Variants in LINGO2 observed in about 807,000 individuals in gnomAD.
The protein encoded by LINGO2 is leucine rich repeat and Ig domain containing 2, also known as leucine-rich repeat and immunoglobulin-like domain-containing nogo receptor-interacting protein 2.
In LINGO2, 14 loss-of-function variants were observed where a neutral mutation model predicts 30.6. The observed-to-expected ratio is 0.46, with a 90% CI of 0.30 to 0.72. The LOEUF (loss-of-function observed/expected upper bound fraction) is 0.72, where lower values mean the gene tolerates loss of function less well. LINGO2 is among the 30% of genes least tolerant of loss of function. LINGO2 has a pLI of 0.07. For synonymous variants in LINGO2, 317 were observed against 288.5 expected (o/e 1.10, Z -1.00); for missense variants, 729 against 751.7 (o/e 0.97, Z 0.35).
chr9:28,204,035 A>T (rs1820326813), intron 4 of LINGO2, among the ~76,000 whole-genome samples: 1 of 152,202 alleles, frequency 6.6e-6, no homozygotes, highest in African/African-American at 2.4e-5. Flanking sequence ...TGTGACACTG[A>T]ACGTTTTTAT....
the LINGO2 span, among the ~76,000 whole-genome samples, chr9:28,883,628 G>GTGTGTATGTGTA: frequency 1.4e-4 from 9 of 64,178 alleles, no homozygotes; most frequent in Admixed American, 2.0e-4. Context: ...ATGTGTGTGT[G>GTGTGTATGTGTA]TATATATATA....
chr9:28,651,449 G>A (rs1054337910), intron 1 of LINGO2, among the ~76,000 whole-genome samples: 1 of 152,098 alleles, frequency 6.6e-6, no homozygotes, highest in Non-Finnish European at 1.5e-5. Flanking sequence ...ATAGCTCTGA[G>A]AACCTCTCAT....
chr9:27,949,829 G>A (rs900609762), exon 6 of LINGO2: 44 of 1,614,130 alleles, frequency 2.7e-5, no homozygotes, highest in Non-Finnish European at 3.5e-5. Flanking sequence ...TGGGATTGTA[G>A]GAGAGGTTAA....
intron 1 of LINGO2, among the ~76,000 whole-genome samples, chr9:28,544,383 T>C (rs1821839858): frequency 1.3e-5 from 2 of 152,084 alleles, no homozygotes; most frequent in Non-Finnish European, 2.9e-5. Flanking sequence ...TCTCTTGACT[T>C]TCACTTAGTT....
At chr9:28,029,506 G>T (rs1823555544) in intron 4 of LINGO2, among the ~76,000 whole-genome samples, 1 of 152,178 alleles carries the variant, frequency 6.6e-6, no homozygotes, top group African/African-American at 2.4e-5. Flanking sequence ...TGAGAGGCAG[G>T]TGGGGAAATT....
the LINGO2 span, among the ~76,000 whole-genome samples, chr9:28,891,491 G>C: frequency 4.7e-5 from 7 of 150,468 alleles, no homozygotes; most frequent in Non-Finnish European, 7.4e-5. Context: ...AAAAAAAAAA[G>C]AGTATTAGTC....
chr9:28,916,795 T>TG, the LINGO2 span, among the ~76,000 whole-genome samples: 111,569 of 152,108 alleles, frequency 0.73, 41,120 homozygotes, highest in Non-Finnish European at 0.78. Flanking sequence ...AATTGAGACT[T>TG]GTTTTATACT....
intron 2 of LINGO2, among the ~76,000 whole-genome samples, chr9:28,423,238 T>C (rs10968585): frequency 0.3 from 45,529 of 151,754 alleles, 7,762 homozygotes; most frequent in Non-Finnish European, 0.38. Flanking sequence ...GAGTAAAGCT[T>C]GAAATGGAAT....
At chr9:28,032,865 C>A (rs75495877) in intron 4 of LINGO2, among the ~76,000 whole-genome samples, 1,821 of 152,314 alleles carry the variant, frequency 0.012, 22 homozygotes, top group Non-Finnish European at 0.019. Flanking sequence ...AGAAGGGATA[C>A]AATTTTAAAA....
At chr9:28,404,726 A>T (rs1404536895) in intron 2 of LINGO2, among the ~76,000 whole-genome samples, 3 of 152,166 alleles carry the variant, frequency 2.0e-5, no homozygotes, top group Non-Finnish European at 4.4e-5. Flanking sequence ...AGGCTTGACA[A>T]TCAGCTCTTT....
At chr9:28,306,145 G>C (rs1407843030) in intron 3 of LINGO2, among the ~76,000 whole-genome samples, 3 of 152,084 alleles carry the variant, frequency 2.0e-5, no homozygotes, top group African/African-American at 7.2e-5. Context: ...TCCATAATCT[G>C]TTGGTTTACT....
intron 1 of LINGO2, among the ~76,000 whole-genome samples, chr9:28,576,415 T>C (rs770199080): frequency 2.0e-5 from 3 of 152,196 alleles, no homozygotes; most frequent in African/African-American, 2.4e-5. Context: ...CGTGTGTGTG[T>C]GTGCGTATTC....
At chr9:29,097,048 A>G in the LINGO2 span, among the ~76,000 whole-genome samples, 3 of 139,528 alleles carry the variant, frequency 2.2e-5, no homozygotes, top group Non-Finnish European at 4.7e-5. Flanking sequence ...AATTCCCAAG[A>G]TAGCAGCATT....
chr9:29,034,685 CATT>C, the LINGO2 span, among the ~76,000 whole-genome samples: 337 of 152,212 alleles, frequency 2.2e-3, 1 homozygote, highest in African/African-American at 7.8e-3. Flanking sequence ...ATAAATTAAT[CATT>C]ATAATCATTA....
chr9:28,195,888 G>T (rs887276840), intron 4 of LINGO2, among the ~76,000 whole-genome samples: 5 of 151,468 alleles, frequency 3.3e-5, no homozygotes, highest in Admixed American at 2.0e-4. Flanking sequence ...CAATGTAAAG[G>T]TTCTATATAA....
chr9:28,752,666 T>C, the LINGO2 span, among the ~76,000 whole-genome samples: 5 of 152,190 alleles, frequency 3.3e-5, no homozygotes, highest in South Asian at 8.3e-4. Flanking sequence ...AAGTTCACTA[T>C]AGTAGATTCA....
At chr9:28,221,168 G>A (rs1383756474) in intron 4 of LINGO2, among the ~76,000 whole-genome samples, 2 of 151,726 alleles carry the variant, frequency 1.3e-5, no homozygotes, top group Non-Finnish European at 2.9e-5. Context: ...GCGTGGTGGC[G>A]GGCGCCTGTA....
chr9:28,052,099 G>A (rs1271258566), intron 4 of LINGO2, among the ~76,000 whole-genome samples: 1 of 152,020 alleles, frequency 6.6e-6, no homozygotes, highest in South Asian at 2.1e-4. Flanking sequence ...GGTAAACTGG[G>A]CCCAGTAAGT....
At chr9:28,566,471 C>G (rs1823388102) in intron 1 of LINGO2, among the ~76,000 whole-genome samples, 1 of 152,128 alleles carries the variant, frequency 6.6e-6, no homozygotes, top group Non-Finnish European at 1.5e-5. Context: ...AGCTTTTCAA[C>G]TGCTAAATAG....
Sources: gnomAD v4.1 joint callset for allele counts (sites outside exome capture counted in the v4.1 genomes callset) on GRCh38, gnomAD v4.1.1 for gene constraint, MANE v1.5 for transcripts, NCBI Gene and HGNC (gene_info 2026-07-23, HGNC 2026-07-21) for gene names.